CCDC178: variants seen among roughly 807,000 people sequenced by gnomAD.
CCDC178 encodes coiled-coil domain-containing protein 178.
CCDC178 carries 126 observed loss-of-function variants against 117.4 expected under a neutral mutation model. The observed-to-expected ratio is 1.07, with a 90% CI of 0.93 to 1.24. The LOEUF (loss-of-function observed/expected upper bound fraction) is 1.24. Among genes scored for constraint, CCDC178 ranks in the 50% most tolerant of loss-of-function variants. The probability of loss-of-function intolerance (pLI) is 0.00; values close to 1 mark genes in which losing one functional copy is unlikely to be tolerated. For synonymous variants in CCDC178, 283 were observed against 313.4 expected, an observed-to-expected ratio of 0.90 and a Z score of 1.02; for missense variants, 1,030 against 986.9, an observed-to-expected ratio of 1.04 and a Z score of -0.59.
chr18:33,434,391 C>A (rs192700589), intron 2 of CCDC178, among the ~76,000 whole-genome samples: 1 of 152,212 alleles, frequency 6.6e-6, no homozygotes, highest in African/African-American at 2.4e-5. Flanking sequence ...TAAAGAAATA[C>A]ATTTTATACT....
At chr18:33,067,436 C>T (rs1053978906) in intron 21 of CCDC178, among the ~76,000 whole-genome samples, 1 of 151,630 alleles carries the variant, frequency 6.6e-6, no homozygotes, top group African/African-American at 2.4e-5. Context: ...TAATGATGAA[C>T]CTGAAGGAAA....
In CCDC178 at chr18:33,208,353, C is replaced by T. The variant is rs148760023; in HGVS notation, c.2238+3543G>A. 2.0e-3 allele frequency among the ~76,000 whole-genome samples: 305 copies of T among 152,042 alleles called. 3 individuals are homozygous for T. The highest frequency in any genetic ancestry group is 5.3e-3 in the African/African-American group (220 of 41,500). On this transcript the variant is annotated intron_variant, in intron 20 of 22. Coordinates refer to ENST00000383096, the MANE Select transcript of CCDC178 (RefSeq NM_001105528.4). The stretch of plus-strand genomic sequence containing the variant: ...CATATTCATTTCCCACAATTTAGAC[C>T]ACAGAATATGTCATTTTTTTTACTC...
chr18:33,097,874 T>C lies in CCDC178; in HGVS notation c.2239-4964A>G, dbSNP rs571581151. ...TTAATTATACATAAATATGGGCATA[T>C]TGGTTATATATTGTTAGTTTCTTGT... On this transcript the variant is annotated intron_variant, in intron 20 of 22. Coordinates refer to ENST00000383096, the MANE Select transcript of CCDC178 (RefSeq NM_001105528.4). Among the ~76,000 whole-genome samples the C allele has an allele frequency of 5.1e-4, 78 of 152,168 alleles. 2 individuals are homozygous for C. In the South Asian group the frequency reaches 0.016, roughly 31 times the overall value.
rs760643685 is a variant in CCDC178, at chr18:33,323,543, C to A, written c.970G>T (p.Glu324Ter). ...TGGTAAATATCCTTATCAATCTCTT[C>A]TTTAATTTGCTGAGCCTTCAATCTG... The part of the protein sequence containing the change: ...NARLKAQQIK[E>*]EIDKDIYQDE... The change falls in exon 11 of 23, where the codon GAA (glutamate) becomes TAA (stop). Residue 324 changes from glutamate (E) to a stop codon, truncating the protein, a stop_gained. Transcript: ENST00000383096. LOFTEE classifies it high-confidence loss of function. 1.9e-6 allele frequency: 3 copies of A among 1,571,992 alleles called. No individual in the cohort carries two copies. The South Asian group carries it at 3.6e-5, about 19-fold the overall frequency.
At position 33,370,130 on chromosome 18, in the gene CCDC178, T is replaced by A. The variant is rs551693244; in HGVS notation, c.268A>T (p.Asn90Tyr). ...TTGTTGACACAAGGTGCTGGAATATTTACTACGGCACAGCTGTGACGTCGA... is the reference window on the plus strand; with the variant it reads ...TTGTTGACACAAGGTGCTGGAATATATACTACGGCACAGCTGTGACGTCGA... ...PCRRHSCAVV[N>Y]IPAPCVNKMI... Residue 90 changes from asparagine (N) to tyrosine (Y), a missense_variant, in exon 6 of 23, where the codon AAT becomes TAT. By Grantham distance (143) the Asn-to-Tyr change is moderately radical. Coordinates refer to ENST00000383096, the MANE Select transcript of CCDC178 (RefSeq NM_001105528.4). 1.2e-5 allele frequency: 20 copies of A among 1,606,446 alleles called. No individual in the cohort carries two copies. The Middle Eastern group carries it at 1.2e-3, about 93-fold the overall frequency.
chr18:33,185,856 T>C (rs2058786698), intron 20 of CCDC178, among the ~76,000 whole-genome samples: 1 of 151,970 alleles, frequency 6.6e-6, no homozygotes. Flanking sequence ...CCAACGTTAT[T>C]TTCTTGCTCT....
At chr18:33,382,280 C>G (rs981208284) in intron 5 of CCDC178, among the ~76,000 whole-genome samples, 1 of 152,162 alleles carries the variant, frequency 6.6e-6, no homozygotes, top group Non-Finnish European at 1.5e-5. Context: ...TCTCTTTCCA[C>G]CACTTTCCAC....
intron 21 of CCDC178, among the ~76,000 whole-genome samples, chr18:33,006,521 A>C (rs1266830363): frequency 6.6e-6 from 1 of 151,876 alleles, no homozygotes; most frequent in Non-Finnish European, 1.5e-5. Flanking sequence ...GTGTAGATAC[A>C]TTATCTCAAT....
intron 9 of CCDC178, among the ~76,000 whole-genome samples, chr18:33,340,318 G>T (rs1805397827): frequency 6.6e-6 from 1 of 152,160 alleles, no homozygotes; most frequent in African/African-American, 2.4e-5. Flanking sequence ...CTCAAGAGGT[G>T]ACTTGGGTGC....
At chr18:33,344,843 AC>A in intron 9 of CCDC178, among the ~76,000 whole-genome samples, 2 of 149,472 alleles carry the variant, frequency 1.3e-5, no homozygotes, top group South Asian at 2.1e-4. Context: ...ACACACACAC[AC>A]ACACACACAC....
At chr18:33,409,626 A>G (rs2063824316) in intron 3 of CCDC178, among the ~76,000 whole-genome samples, 1 of 152,190 alleles carries the variant, frequency 6.6e-6, no homozygotes, top group South Asian at 2.1e-4. Context: ...ACATAGCAAT[A>G]AACACTGGCA....
At chr18:32,948,963 T>C (rs893637749) in intron 22 of CCDC178, among the ~76,000 whole-genome samples, 3 of 152,088 alleles carry the variant, frequency 2.0e-5, no homozygotes, top group East Asian at 3.9e-4. Flanking sequence ...TTTCAACTTT[T>C]GTATGTCTGT....
chr18:33,341,927 A>G (rs1458517459), intron 9 of CCDC178, among the ~76,000 whole-genome samples: 1 of 152,190 alleles, frequency 6.6e-6, no homozygotes, highest in East Asian at 1.9e-4. Context: ...GCATGGATTA[A>G]AAAAAACTCA....
At chr18:33,173,899 A>T (rs1333096055) in intron 20 of CCDC178, among the ~76,000 whole-genome samples, 1 of 152,212 alleles carries the variant, frequency 6.6e-6, no homozygotes, top group East Asian at 1.9e-4. Flanking sequence ...AAAAGCGCTT[A>T]TCATGGCTAA....
chr18:33,428,447 T>G (rs2144958274), intron 2 of CCDC178, among the ~76,000 whole-genome samples: 1 of 151,752 alleles, frequency 6.6e-6, no homozygotes, highest in South Asian at 2.1e-4. Flanking sequence ...CAGTGCAGAG[T>G]CGGATTTAGC....
intron 20 of CCDC178, among the ~76,000 whole-genome samples, chr18:33,155,655 T>C (rs1424801393): frequency 6.6e-6 from 1 of 152,144 alleles, no homozygotes; most frequent in Non-Finnish European, 1.5e-5. Flanking sequence ...TCTCAGGCAA[T>C]TTTTTTGTCA....
intron 21 of CCDC178, among the ~76,000 whole-genome samples, chr18:33,010,776 C>T (rs1052592412): frequency 7.9e-5 from 12 of 151,984 alleles, no homozygotes; most frequent in Non-Finnish European, 1.6e-4. Context: ...GGGCTTAAGC[C>T]TAAATTAAAT....
At chr18:33,030,187 C>A (rs2056307918) in intron 21 of CCDC178, among the ~76,000 whole-genome samples, 1 of 152,016 alleles carries the variant, frequency 6.6e-6, no homozygotes, top group South Asian at 2.1e-4. Flanking sequence ...TAGCTATTAT[C>A]TTCCTGATGA....
intron 12 of CCDC178, among the ~76,000 whole-genome samples, chr18:33,275,776 C>T (rs889913281): frequency 6.6e-6 from 1 of 151,254 alleles, no homozygotes; most frequent in Non-Finnish European, 1.5e-5. Context: ...TTTTTTCTGC[C>T]AGCTTTGCAA....
Sources: gnomAD v4.1 joint callset for allele counts (sites outside exome capture counted in the v4.1 genomes callset) on GRCh38, gnomAD v4.1.1 for gene constraint, MANE v1.5 for transcripts, NCBI Gene and HGNC (gene_info 2026-07-23, HGNC 2026-07-21) for gene names.